MTDH: variants seen among roughly 807,000 people sequenced by gnomAD.
MTDH encodes the protein protein LYRIC.
Under a neutral mutation model 72.7 loss-of-function variants are expected in MTDH, and 34 were observed. The ratio of observed to expected loss-of-function variants is 0.47; its 90% CI spans 0.36 to 0.62. The LOEUF is 0.62. Among genes scored for constraint, MTDH ranks in the 20% least tolerant of loss-of-function variants. The pLI, the probability that MTDH is intolerant of heterozygous loss-of-function variation, is 0.00. For missense variants in MTDH, 677 were observed against 699.4 expected (o/e 0.97, Z 0.36); for synonymous variants, 266 against 268.9 (o/e 0.99, Z 0.10).
chr8:97,663,199 T>C (rs751573441), intron 2 of MTDH, among the ~76,000 whole-genome samples: 3 of 152,160 alleles, frequency 2.0e-5, no homozygotes, highest in Non-Finnish European at 4.4e-5. Context: ...GTTGCAGTAA[T>C]TGAGGAACTA....
intron 6 of MTDH, among the ~76,000 whole-genome samples, chr8:97,696,858 C>T (rs1283666153): frequency 6.6e-6 from 1 of 151,674 alleles, no homozygotes; most frequent in Non-Finnish European, 1.5e-5. Context: ...TGGCTCACAT[C>T]TCTAATCCCA....
chr8:97,700,606 T>G (rs1386117163), intron 7 of MTDH, among the ~76,000 whole-genome samples: 1 of 152,196 alleles, frequency 6.6e-6, no homozygotes, highest in Non-Finnish European at 1.5e-5. Flanking sequence ...ATAATGACAA[T>G]AAAAACACTG....
chr8:97,665,545 A>G (rs548242053), intron 2 of MTDH, among the ~76,000 whole-genome samples: 2 of 152,296 alleles, frequency 1.3e-5, no homozygotes, highest in South Asian at 4.1e-4. Context: ...TTCAGAGGAG[A>G]AAGGTTATCC....
rs1389567230 is a variant in MTDH, at chr8:97,728,500, C to T, written c.*3830C>T. 1 of 152,136 alleles carries T rather than the reference C, an allele frequency of 6.6e-6. No homozygotes were observed. Among genetic ancestry groups the T allele is most frequent in the Non-Finnish European group, 1.5e-5 (1 of 68,026 alleles). 9.4% of individuals were successfully genotyped at this position (152,136 alleles called of 1,614,324 possible). ...TCATTTTAGCAGTAGATGTAGCTGC[C>T]TGCCACCAGGTGCAATATGTCATTT... On this transcript the variant is annotated 3_prime_UTR_variant, in exon 12 of 12. Transcript: ENST00000336273.
At chr8:97,676,448 T>C (rs1357881244) in intron 2 of MTDH, among the ~76,000 whole-genome samples, 1 of 152,230 alleles carries the variant, frequency 6.6e-6, no homozygotes, top group African/African-American at 2.4e-5. Flanking sequence ...CTTTGTACTT[T>C]GCAATTCTCT....
chr8:97,644,407 C>G lies in MTDH; in HGVS notation c.-100C>G. On this transcript the variant is annotated 5_prime_UTR_variant, in exon 1 of 12. Coordinates refer to ENST00000336273, the MANE Select transcript of MTDH (RefSeq NM_178812.4). ...GAGGGACGGCCGCGATGCGCTCGGC[C>G]TGAGGTTACCCGGCCCGGCCCTTCC... 6.9e-7 allele frequency: 1 copy of G among 1,452,338 alleles called. No homozygotes were observed. The highest frequency in any genetic ancestry group is 9.1e-7 in the Non-Finnish European group (1 of 1,102,740). The allele number at this position is 1,452,338 out of a possible 1,614,324, so 90.0% of individuals were successfully genotyped here.
chr8:97,703,159 G>A (rs961087584), intron 7 of MTDH, among the ~76,000 whole-genome samples: 10 of 152,040 alleles, frequency 6.6e-5, no homozygotes, highest in East Asian at 1.9e-4. Flanking sequence ...GAGCCCACGC[G>A]TTCAAGACCA....
At chr8:97,689,995 CTT>C (rs34310010) in intron 5 of MTDH, among the ~76,000 whole-genome samples, 224 of 126,604 alleles carry the variant, frequency 1.8e-3, no homozygotes, top group Admixed American at 1.9e-3. Context: ...AGGCATCAGG[CTT>C]TTTTTTTTTT....
intron 2 of MTDH, among the ~76,000 whole-genome samples, chr8:97,679,456 T>G (rs1018961482): frequency 1.1e-4 from 16 of 152,160 alleles, no homozygotes; most frequent in African/African-American, 3.9e-4. Context: ...CTGGCTGAAT[T>G]TTCACAAAAA....
intron 8 of MTDH, 76 bp from the exon 9 acceptor site, chr8:97,713,586 T>G (rs1814723075): frequency 1.2e-6 from 1 of 832,352 alleles, no homozygotes; most frequent in African/African-American, 1.7e-5. Context: ...ATGAATGAAA[T>G]TATTTCATAA....
intron 8 of MTDH, 69 bp downstream of exon 8, chr8:97,706,819 C>T (rs1814374538): frequency 2.0e-6 from 3 of 1,509,676 alleles, no homozygotes; most frequent in South Asian, 2.6e-5. Flanking sequence ...GTGGCTCACG[C>T]CTATGATTCC....
chr8:97,719,217 G>A (rs777314686), intron 10 of MTDH, 28 bp downstream of exon 10: 21 of 1,606,660 alleles, frequency 1.3e-5, no homozygotes, highest in Admixed American at 1.2e-4. Context: ...TAAAGTTGCC[G>A]GGCGCAGTGG....
At chr8:97,644,908 A>C (rs755296356) in intron 1 of MTDH, 21 bp downstream of exon 1, 1 of 1,517,912 alleles carries the variant, frequency 6.6e-7, no homozygotes, top group Middle Eastern at 1.8e-4. Context: ...GATGAGCGGC[A>C]GTAGAGAACG....
At chr8:97,713,327 C>T (rs547953548) in intron 8 of MTDH, among the ~76,000 whole-genome samples, 4 of 152,128 alleles carry the variant, frequency 2.6e-5, no homozygotes, top group East Asian at 3.9e-4. Flanking sequence ...CCTCGTGATC[C>T]GCCCGCCTCG....
intron 1 of MTDH, among the ~76,000 whole-genome samples, chr8:97,645,785 T>G (rs1217382685): frequency 6.6e-6 from 1 of 152,200 alleles, no homozygotes; most frequent in Non-Finnish European, 1.5e-5. Context: ...TCTTTCATAG[T>G]TTTATGTATT....
chr8:97,677,789 G>T (rs987005927), intron 2 of MTDH, among the ~76,000 whole-genome samples: 2 of 151,966 alleles, frequency 1.3e-5, no homozygotes, highest in Non-Finnish European at 2.9e-5. Context: ...GTAAAAACTG[G>T]CATTTCTAGT....
Position 97,644,363 on chromosome 8 carries a change from C to G in MTDH, c.-144C>G, listed in dbSNP as rs961802646. ...CCGCCCTCCCCGCGGTGGCAGCGGC[C>G]GATCCCCGGCTCCGGCGCGAGGGAC... On this transcript the variant is annotated 5_prime_UTR_variant, in exon 1 of 12. Transcript: ENST00000336273. 2.6e-5 allele frequency: 30 copies of G among 1,162,718 alleles called. No individual in the cohort carries two copies. In the African/African-American group the frequency reaches 4.6e-4, roughly 18 times the overall value. The allele number at this position is 1,162,718 out of a possible 1,614,324, so 72.0% of individuals were successfully genotyped here.
At chr8:97,673,629 C>T (rs1395758873) in intron 2 of MTDH, among the ~76,000 whole-genome samples, 1 of 149,610 alleles carries the variant, frequency 6.7e-6, no homozygotes, top group Non-Finnish European at 1.5e-5. Context: ...TGTTGCACTC[C>T]AGCCTGGGCA....
intron 2 of MTDH, among the ~76,000 whole-genome samples, chr8:97,683,082 T>TTTTTTTTTTTTTG: frequency 7.8e-6 from 1 of 128,638 alleles, no homozygotes; most frequent in Non-Finnish European, 1.6e-5. Context: ...TTTTTTTTTT[T>TTTTTTTTTTTTTG]GAGATGGAGT....
Sources: gnomAD v4.1 joint callset for allele counts (sites outside exome capture counted in the v4.1 genomes callset) on GRCh38, gnomAD v4.1.1 for gene constraint, MANE v1.5 for transcripts, NCBI Gene and HGNC (gene_info 2026-07-23, HGNC 2026-07-21) for gene names.